Variants in RBM6 observed in about 807,000 individuals in gnomAD.
RBM6 encodes the protein RNA binding motif protein 6.
Under a neutral mutation model 140.4 loss-of-function variants are expected in RBM6, and 23 were observed. The ratio of observed to expected loss-of-function variants is 0.16; its 90% CI spans 0.12 to 0.23. The LOEUF (loss-of-function observed/expected upper bound fraction) is 0.23, where lower values mean the gene tolerates loss of function less well. Ranked by LOEUF, RBM6 falls within the 10% of genes least tolerant of loss-of-function variation. RBM6 has a pLI of 1.00. For synonymous variants in RBM6, 439 were observed against 475.6 expected, an observed-to-expected ratio of 0.92 and a Z score of 1.00; for missense variants, 1,139 against 1,386.7, an observed-to-expected ratio of 0.82 and a Z score of 2.84.
Position 50,061,206 on chromosome 3 carries a change from CGACAAG to C in RBM6, c.2344_2349del (p.Gly782_Gln783del), listed in dbSNP as rs933224060. On this transcript the variant is annotated inframe_deletion, in exon 13 of 21. Coordinates refer to ENST00000266022, the MANE Select transcript of RBM6 (RefSeq NM_005777.3). The stretch of plus-strand genomic sequence containing the variant: ...TTCAGACTGGTCTTCAGATACAAAT[CGACAAG>C]GACAACAGTGTAAGTAACCTTTGTT... 6.2e-7 allele frequency: 1 copy of C among 1,614,026 alleles called. No individual in the cohort carries two copies. The highest frequency in any genetic ancestry group is 1.3e-5 in the African/African-American group (1 of 74,912).
At chr3:50,035,031 C>T (rs1359256912) in intron 6 of RBM6, among the ~76,000 whole-genome samples, 19 of 60,398 alleles carry the variant, frequency 3.1e-4, no homozygotes, top group Non-Finnish European at 5.0e-4. Context: ...TCCCTCCCCT[C>T]CCCTCCCCTC....
chr3:49,963,381 G>A (rs900727163), intron 2 of RBM6, among the ~76,000 whole-genome samples: 3 of 151,778 alleles, frequency 2.0e-5, no homozygotes, highest in Admixed American at 6.6e-5. Flanking sequence ...TTACAGGCGC[G>A]TGCCACTATG....
Position 50,025,001 on chromosome 3 carries a change from A to C in RBM6, c.1558-23244A>C, listed in dbSNP as rs189285790. 7.6e-3 allele frequency among the ~76,000 whole-genome samples: 1,155 copies of C among 151,806 alleles called. 15 individuals are homozygous for C. The highest frequency in any genetic ancestry group is 0.026 in the African/African-American group (1,097 of 41,406). On this transcript the variant is annotated intron_variant, in intron 6 of 20. Transcript: ENST00000266022. ...GCAAGACTCCGTCTCAAAAAACAAA[A>C]AACAAAAAACAAGAAAACAGTTTTC...
At chr3:49,998,116 C>T (rs2086167071) in intron 5 of RBM6, among the ~76,000 whole-genome samples, 1 of 152,158 alleles carries the variant, frequency 6.6e-6, no homozygotes. Flanking sequence ...TCACAGTTAA[C>T]TTGGAGTATT....
intron 6 of RBM6, among the ~76,000 whole-genome samples, chr3:50,017,463 C>A (rs1352204310): frequency 6.6e-6 from 1 of 150,586 alleles, no homozygotes; most frequent in Admixed American, 6.7e-5. Context: ...GAGGCTGAGG[C>A]AGGAGAATGG....
intron 5 of RBM6, among the ~76,000 whole-genome samples, chr3:49,981,221 C>A (rs1347292095): frequency 6.6e-6 from 1 of 152,114 alleles, no homozygotes; most frequent in Non-Finnish European, 1.5e-5. Context: ...TTTAAATGAT[C>A]AGCAGAAACC....
At chr3:50,072,085 A>C (rs1405417764) in intron 19 of RBM6, among the ~76,000 whole-genome samples, 1 of 120,824 alleles carries the variant, frequency 8.3e-6, no homozygotes, top group Non-Finnish European at 1.8e-5. Context: ...CTCTGTCTCA[A>C]AAAAAAAAAA....
intron 6 of RBM6, among the ~76,000 whole-genome samples, chr3:50,046,560 CAA>C (rs1488735564): frequency 7.3e-6 from 1 of 137,600 alleles, no homozygotes; most frequent in Non-Finnish European, 1.5e-5. Flanking sequence ...GCCTGGGCAA[CAA>C]GAGCGAAACT....
chr3:50,014,992 T>A (rs1015505987), intron 6 of RBM6, among the ~76,000 whole-genome samples: 29 of 120,660 alleles, frequency 2.4e-4, no homozygotes, highest in Non-Finnish European at 3.8e-4. Context: ...GAGGTTGCGG[T>A]GAGCCGAGAT....
intron 6 of RBM6, among the ~76,000 whole-genome samples, chr3:50,034,016 CT>C (rs1324090645): frequency 1.3e-5 from 2 of 152,008 alleles, no homozygotes; most frequent in African/African-American, 4.8e-5. Context: ...CAAATGCCCC[CT>C]GTCTAGAAAC....
intron 5 of RBM6, among the ~76,000 whole-genome samples, chr3:49,989,436 G>A (rs1427581348): frequency 2.0e-5 from 3 of 152,092 alleles, no homozygotes; most frequent in African/African-American, 4.8e-5. Context: ...TTAGCCTAGT[G>A]TGGTGGCACA....
At chr3:49,943,644 G>C (rs1209634581) in intron 1 of RBM6, among the ~76,000 whole-genome samples, 1 of 151,924 alleles carries the variant, frequency 6.6e-6, no homozygotes, top group Non-Finnish European at 1.5e-5. Flanking sequence ...TGTGGAGACA[G>C]GGTCTCCCTA....
chr3:50,003,207 A>G (rs1487635053), intron 6 of RBM6, among the ~76,000 whole-genome samples: 3 of 151,810 alleles, frequency 2.0e-5, no homozygotes, highest in Non-Finnish European at 4.4e-5. Context: ...CTATGGCTCA[A>G]GCTTATAATC....
chr3:50,076,758 C>A (rs539206803), intron 20 of RBM6, among the ~76,000 whole-genome samples: 1 of 151,686 alleles, frequency 6.6e-6, no homozygotes, highest in Non-Finnish European at 1.5e-5. Flanking sequence ...TGGTGGCAGG[C>A]GCCTGTAGTC....
intron 5 of RBM6, among the ~76,000 whole-genome samples, chr3:49,977,960 AAAAG>A (rs2085132229): frequency 6.6e-6 from 1 of 152,178 alleles, no homozygotes; most frequent in Non-Finnish European, 1.5e-5. Context: ...CTTAAAAAGA[AAAAG>A]AAAAAAAAAT....
chr3:49,999,029 CG>C (rs1203431223), intron 5 of RBM6, among the ~76,000 whole-genome samples: 1 of 147,522 alleles, frequency 6.8e-6, no homozygotes, highest in Non-Finnish European at 1.5e-5. Context: ...TTTCTTCTCT[CG>C]GGATACCTTT....
chr3:49,976,816 G>A (rs765459037), intron 5 of RBM6, among the ~76,000 whole-genome samples: 8 of 152,162 alleles, frequency 5.3e-5, no homozygotes, highest in Non-Finnish European at 1.2e-4. Context: ...TAAATTTGCC[G>A]ATTGTGGTAG....
chr3:50,022,619 C>A (rs945784802), intron 6 of RBM6, among the ~76,000 whole-genome samples: 2 of 152,004 alleles, frequency 1.3e-5, no homozygotes, highest in African/African-American at 4.8e-5. Context: ...CGTGAGCCAC[C>A]GCACCTGACA....
chr3:50,049,656 T>C (rs991647875), intron 7 of RBM6, among the ~76,000 whole-genome samples: 2 of 152,176 alleles, frequency 1.3e-5, no homozygotes, highest in African/African-American at 2.4e-5. Context: ...ATGATTGTTA[T>C]TAGCCAAAGT....
Sources: gnomAD v4.1 joint callset for allele counts (sites outside exome capture counted in the v4.1 genomes callset) on GRCh38, gnomAD v4.1.1 for gene constraint, MANE v1.5 for transcripts, NCBI Gene and HGNC (gene_info 2026-07-23, HGNC 2026-07-21) for gene names.